The following ZNF541 variants were observed in gnomAD, a reference collection of about 807,000 sequenced individuals.
ZNF541 encodes the protein zinc finger protein 541.
ZNF541 carries 23 observed loss-of-function variants against 123.5 expected under a neutral mutation model. The ratio of observed to expected loss-of-function variants is 0.19; its 90% CI spans 0.13 to 0.26. The LOEUF (loss-of-function observed/expected upper bound fraction) is 0.26. Ranked by LOEUF, ZNF541 falls within the 10% of genes least tolerant of loss-of-function variation. The probability of loss-of-function intolerance (pLI) is 1.00; values close to 1 mark genes in which losing one functional copy is unlikely to be tolerated. For synonymous variants in ZNF541, 751 were observed against 754.5 expected, an observed-to-expected ratio of 1.00 and a Z score of 0.08; for missense variants, 1,612 against 1,789.9, an observed-to-expected ratio of 0.90 and a Z score of 1.79.
chr19:47,523,715 TTG>T (rs1170380328), intron 14 of ZNF541, among the ~76,000 whole-genome samples: 1 of 152,146 alleles, frequency 6.6e-6, no homozygotes, highest in African/African-American at 2.4e-5. Flanking sequence ...GCTTATCAAC[TTG>T]TGTTTCCAGG....
At chr19:47,526,639 A>AC (rs1969311994) in intron 14 of ZNF541, among the ~76,000 whole-genome samples, 1 of 152,212 alleles carries the variant, frequency 6.6e-6, no homozygotes. Context: ...ATGCGATGCC[A>AC]CCACACTGTC....
At chr19:47,570,867 G>A (rs1249756129) in intron 2 of ZNF541, among the ~76,000 whole-genome samples, 1 of 150,202 alleles carries the variant, frequency 6.7e-6, no homozygotes, top group Non-Finnish European at 1.5e-5. Context: ...AGAATTGCTT[G>A]AACCCAGGAG....
intron 4 of ZNF541, among the ~76,000 whole-genome samples, chr19:47,547,308 A>G (rs1225182534): frequency 6.6e-6 from 1 of 152,114 alleles, no homozygotes; most frequent in Non-Finnish European, 1.5e-5. Context: ...CCATAGAAAC[A>G]TTATAGAGCC....
chr19:47,540,999 A>T, intron 5 of ZNF541, 48 bp from the exon 6 acceptor site: 1 of 1,516,716 alleles, frequency 6.6e-7, no homozygotes, highest in Non-Finnish European at 8.9e-7. Flanking sequence ...ATGAAGAGGC[A>T]AGAAGAGCTC....
rs1218965984 is a variant in ZNF541 at position 47,532,161 on chromosome 19, C to T, written c.3268G>A (p.Asp1090Asn). The T allele has an allele frequency of 8.4e-6, 13 of 1,551,788 alleles. No individual in the cohort carries two copies. The highest frequency in any genetic ancestry group is 1.1e-5 in the Non-Finnish European group (13 of 1,147,008). ...TGTGTCTCTGAGCTGATCATCATAT[C>T]TCCCCATGGCTTCCAGACCAGAGAA... ...VASLVWKPWG[D>N]MMISSETQDR... Residue 1090 changes from aspartate to asparagine, a missense_variant, in exon 11 of 17, where the codon GAT becomes AAT. Around this residue, in one of 5 missense-constraint regions of ZNF541, gnomAD observed 285 missense variants for 407.3 expected, o/e 0.70. Transcript: ENST00000391901.
At chr19:47,541,454 G>A (rs1203119528) in intron 5 of ZNF541, among the ~76,000 whole-genome samples, 1 of 152,000 alleles carries the variant, frequency 6.6e-6, no homozygotes, top group East Asian at 1.9e-4. Context: ...CTTTTGTCCT[G>A]CAAATGGTAT....
In ZNF541 at chr19:47,545,925, C is replaced by A; in HGVS notation, c.604G>T (p.Gly202Cys). The change falls in exon 5 of 17, where the codon GGC (glycine) becomes TGC (cysteine). Residue 202 changes from glycine to cysteine, a missense_variant. Physicochemically the swap from Gly to Cys is radical, Grantham distance 159. Transcript: ENST00000391901. The surrounding 1 kb of genome is among the most constrained non-coding windows in gnomAD (Gnocchi z 7.5). ...KTKPFVCIEQ[G>C]CSKSYCDYRS... ...TAGTCGCAGTAGCTCTTGCTGCAGC[C>A]CTGCTCGATGCACACGAAGGGCTTT... is the stretch of plus-strand genomic sequence containing the variant. The A allele has an allele frequency of 6.5e-7, 1 of 1,529,280 alleles. No homozygotes were observed. The highest frequency in any genetic ancestry group is 1.2e-5 in the South Asian group (1 of 81,620). The allele number at this position is 1,529,280 out of a possible 1,614,324, so 94.7% of individuals were successfully genotyped here. A position where few individuals can be genotyped will look rare whatever the true frequency, so the allele number is the denominator to read the frequency against.
Position 47,521,171 on chromosome 19 carries a change from G to A in ZNF541, c.*53C>T, listed in dbSNP as rs1342730603. ...GTGCCCCAAACGCCCTGGAGAGGCC[G>A]AAGGGAGGAGGGGCAGCACTGGAGG... On this transcript the variant is annotated 3_prime_UTR_variant, in exon 17 of 17. Transcript: ENST00000391901. This position sits in a 1 kb window ranked among gnomAD's most constrained non-coding sequence, Gnocchi z 4.2. 1.3e-5 allele frequency: 20 copies of A among 1,531,310 alleles called. No homozygotes were observed. Among genetic ancestry groups the A allele is most frequent in the African/African-American group, 6.9e-5 (5 of 72,666 alleles). 94.9% of individuals were successfully genotyped at this position (1,531,310 alleles called of 1,614,324 possible). A position where few individuals can be genotyped will look rare whatever the true frequency, so the allele number is the denominator to read the frequency against.
intron 14 of ZNF541, among the ~76,000 whole-genome samples, chr19:47,525,241 C>T (rs1343903270): frequency 6.6e-6 from 1 of 150,974 alleles, no homozygotes; most frequent in African/African-American, 2.4e-5. Context: ...GTGAAGAGCG[C>T]GCCACTGCAC....
intron 2 of ZNF541, among the ~76,000 whole-genome samples, chr19:47,560,506 G>A (rs947746587): frequency 6.6e-6 from 1 of 150,952 alleles, no homozygotes; most frequent in African/African-American, 2.4e-5. Context: ...AATGTGGGAG[G>A]TGGAGGTTGC....
Position 47,570,353 on chromosome 19 carries a change from A to G in ZNF541, c.-99+1543T>C, listed in dbSNP as rs137891449. 4.5e-3 allele frequency among the ~76,000 whole-genome samples: 689 copies of G among 151,766 alleles called. 7 individuals are homozygous for G. The highest frequency in any genetic ancestry group is 0.016 in the African/African-American group (666 of 41,402). On this transcript the variant is annotated intron_variant, in intron 2 of 16. Coordinates refer to ENST00000391901, the MANE Select transcript of ZNF541 (RefSeq NM_001277075.3). ...AGCACTTTGGGAGGCTGACGCAGGCAGATCACTGGAGGCCAGGAGTTTGAG... is the reference window on the plus strand; with the variant it reads ...AGCACTTTGGGAGGCTGACGCAGGCGGATCACTGGAGGCCAGGAGTTTGAG...
chr19:47,557,156 G>T (rs1970857756), intron 2 of ZNF541, among the ~76,000 whole-genome samples: 1 of 152,128 alleles, frequency 6.6e-6, no homozygotes, highest in Admixed American at 6.6e-5. Context: ...AGGAAATTTA[G>T]ATTATATATG....
intron 5 of ZNF541, among the ~76,000 whole-genome samples, 192 bp from the exon 6 acceptor site, chr19:47,541,143 C>G (rs529037963): frequency 3.9e-5 from 6 of 152,084 alleles, no homozygotes; most frequent in Non-Finnish European, 5.9e-5. Flanking sequence ...TTTAGCCAGG[C>G]GTGGTGGCTC....
chr19:47,526,481 C>CAAAAAAAAAAA (rs71180847), intron 14 of ZNF541, among the ~76,000 whole-genome samples: 1 of 34,976 alleles, frequency 2.9e-5, no homozygotes, highest in Non-Finnish European at 5.0e-5. Flanking sequence ...GACTCCATCT[C>CAAAAAAAAAAA]AAAAAAAAAA....
At chr19:47,557,305 G>A (rs1230917803) in intron 2 of ZNF541, among the ~76,000 whole-genome samples, 1 of 151,836 alleles carries the variant, frequency 6.6e-6, no homozygotes, top group South Asian at 2.1e-4. Context: ...CCATCCACAG[G>A]AAAACTAAAT....
intron 13 of ZNF541, 38 bp downstream of exon 13, chr19:47,529,539 A>C: frequency 6.5e-7 from 1 of 1,549,094 alleles, no homozygotes; most frequent in East Asian, 2.4e-5. Flanking sequence ...TAGGGGTCTC[A>C]GCTGGGCCAA....
Position 47,521,403 on chromosome 19 carries a change from G to T in ZNF541, c.3888-26C>A, listed in dbSNP as rs751957532. The T allele has an allele frequency of 1.9e-6, 3 of 1,551,484 alleles. No individual in the cohort carries two copies. Among genetic ancestry groups the T allele is most frequent in the Non-Finnish European group, 2.6e-6 (3 of 1,146,714 alleles). ...CTGAGGAGTCACCAGAGGACATGGG[G>T]TCAGAGCAGGGAGGAAGGGATCACA... On this transcript the variant is annotated intron_variant, in intron 16 of 16. Coordinates refer to ENST00000391901, the MANE Select transcript of ZNF541 (RefSeq NM_001277075.3). The surrounding 1 kb of genome is among the most constrained non-coding windows in gnomAD (Gnocchi z 4.2).
chr19:47,522,804 T>C (rs1347226065), intron 14 of ZNF541, among the ~76,000 whole-genome samples: 2 of 146,690 alleles, frequency 1.4e-5, no homozygotes, highest in African/African-American at 5.1e-5. Context: ...TGGAGTGCAA[T>C]GGCACGATCT....
intron 2 of ZNF541, among the ~76,000 whole-genome samples, chr19:47,564,582 GA>G (rs1218371102): frequency 6.6e-6 from 1 of 152,096 alleles, no homozygotes; most frequent in Non-Finnish European, 1.5e-5. Flanking sequence ...AACGATCAGG[GA>G]AATGCAAATC....
Sources: allele counts gnomAD v4.1 joint callset (sites outside exome capture counted in the v4.1 genomes callset), GRCh38; gene constraint gnomAD v4.1.1; regional missense constraint gnomAD v4.1.1; non-coding constraint Gnocchi (gnomAD v3.1); transcripts MANE v1.5; gene names NCBI Gene and HGNC (gene_info 2026-07-23, HGNC 2026-07-21).